Variants in PKN2 observed in about 807,000 individuals in gnomAD.
PKN2 encodes protein kinase N2, also known as serine/threonine-protein kinase N2.
A neutral mutation model predicts 119.1 loss-of-function variants in PKN2; 38 were observed. The ratio of observed to expected loss-of-function variants is 0.32; its 90% CI spans 0.25 to 0.42. The LOEUF is 0.42. PKN2 is among the 10% of genes least tolerant of loss of function. PKN2 has a pLI of 1.00. For missense variants in PKN2, 850 were observed against 1,165.1 expected (o/e 0.73, Z 3.94); for synonymous variants, 390 against 384.9 (o/e 1.01, Z -0.15).
chr1:88,729,000 T>G (rs557990279), intron 1 of PKN2, among the ~76,000 whole-genome samples: 96 of 151,908 alleles, frequency 6.3e-4, no homozygotes, highest in African/African-American at 2.1e-3. Context: ...GTTCAAGCGA[T>G]TCTCCTGCCT....
Position 88,786,925 on chromosome 1 carries a change from C to G in PKN2, c.1281+712C>G, listed in dbSNP as rs1329308705. Among the ~76,000 whole-genome samples the G allele has an allele frequency of 8.3e-5, 12 of 144,944 alleles. No homozygotes were observed. The East Asian group carries it at 1.5e-3, about 18-fold the overall frequency. ...TCAAAATGTTTTGGTGATTACTGTT[C>G]TAAGCCTCTACTTTTAAAACTGGGA... On this transcript the variant is annotated intron_variant, in intron 8 of 21. Coordinates refer to ENST00000370521, the MANE Select transcript of PKN2 (RefSeq NM_006256.4).
At chr1:88,807,827 GAA>G in intron 15 of PKN2, 52 bp downstream of exon 15, 1 of 1,055,518 alleles carries the variant, frequency 9.5e-7, no homozygotes, top group Non-Finnish European at 1.4e-6. Context: ...TAAGTTAAGA[GAA>G]ATGATATATG....
At position 88,689,438 on chromosome 1, in the gene PKN2, T is replaced by G. The variant is rs77305770; in HGVS notation, c.48+4810T>G. Reference sequence around the variant, plus strand: ...AAAACTTTTTTCTTGCCACTGGTTCTAGATGAGTGGATCTAATTAGCTTTT... The same window carrying G: ...AAAACTTTTTTCTTGCCACTGGTTCGAGATGAGTGGATCTAATTAGCTTTT... On this transcript the variant is annotated intron_variant, in intron 1 of 21. Transcript: ENST00000370521. 5.0e-3 allele frequency among the ~76,000 whole-genome samples: 767 copies of G among 152,350 alleles called. 3 individuals are homozygous for G. Among genetic ancestry groups the G allele is most frequent in the African/African-American group, 0.017 (722 of 41,574 alleles).
intron 2 of PKN2, among the ~76,000 whole-genome samples, chr1:88,754,604 T>A (rs1387791806): frequency 6.6e-6 from 1 of 152,188 alleles, no homozygotes; most frequent in Non-Finnish European, 1.5e-5. Flanking sequence ...GGAAAAATAG[T>A]AGTGGAGAAT....
chr1:88,813,287 T>A (rs958594611), intron 15 of PKN2, among the ~76,000 whole-genome samples: 1 of 152,176 alleles, frequency 6.6e-6, no homozygotes, highest in African/African-American at 2.4e-5. Flanking sequence ...TTTTAAAAAA[T>A]CAACTGTAAC....
intron 1 of PKN2, among the ~76,000 whole-genome samples, chr1:88,708,364 T>G (rs1667086729): frequency 6.6e-6 from 1 of 152,168 alleles, no homozygotes; most frequent in African/African-American, 2.4e-5. Flanking sequence ...TAGTAAAGTA[T>G]AAGATATTTC....
chr1:88,730,388 C>T (rs1668100362), intron 1 of PKN2, among the ~76,000 whole-genome samples: 1 of 152,160 alleles, frequency 6.6e-6, no homozygotes, highest in Non-Finnish European at 1.5e-5. Context: ...ATCAGGGACC[C>T]AGGCTCTCTC....
intron 18 of PKN2, among the ~76,000 whole-genome samples, chr1:88,826,143 C>T (rs66881618): frequency 0.067 from 10,171 of 152,204 alleles, 698 homozygotes; most frequent in African/African-American, 0.18. Flanking sequence ...ATATCCATTT[C>T]CCTCCAGTCT....
chr1:88,725,894 C>A (rs1255651785), intron 1 of PKN2, among the ~76,000 whole-genome samples: 3 of 152,108 alleles, frequency 2.0e-5, no homozygotes, highest in Non-Finnish European at 4.4e-5. Flanking sequence ...AGATCTATGA[C>A]TCATTTGAGC....
chr1:88,735,964 C>A (rs1668332123), intron 1 of PKN2, among the ~76,000 whole-genome samples: 1 of 152,002 alleles, frequency 6.6e-6, no homozygotes. Context: ...GCCCAGTAAC[C>A]CAAATATTTG....
chr1:88,811,424 G>C (rs1220073220), intron 15 of PKN2, among the ~76,000 whole-genome samples: 1 of 152,158 alleles, frequency 6.6e-6, no homozygotes. Context: ...CACGAAACAT[G>C]TTAGGATAGA....
chr1:88,685,940 C>G (rs1310561822), intron 1 of PKN2, among the ~76,000 whole-genome samples: 1 of 152,090 alleles, frequency 6.6e-6, no homozygotes, highest in South Asian at 2.1e-4. Flanking sequence ...GATATTTCCT[C>G]CACAAAAATA....
chr1:88,772,432 T>G (rs1669934513), intron 6 of PKN2, among the ~76,000 whole-genome samples: 1 of 152,202 alleles, frequency 6.6e-6, no homozygotes, highest in South Asian at 2.1e-4. Context: ...TTGGAGCATT[T>G]TGGATTTGGG....
intron 1 of PKN2, among the ~76,000 whole-genome samples, chr1:88,711,194 T>A (rs1161913002): frequency 1.3e-5 from 2 of 151,996 alleles, no homozygotes; most frequent in Admixed American, 1.3e-4. Flanking sequence ...TAATGAGTAC[T>A]AGGCTTAATT....
At chr1:88,749,090 T>C (rs950492856) in intron 2 of PKN2, among the ~76,000 whole-genome samples, 1 of 152,146 alleles carries the variant, frequency 6.6e-6, no homozygotes, top group Non-Finnish European at 1.5e-5. Context: ...GTAGTTAATA[T>C]ACATTATTGT....
chr1:88,764,366 A>G lies in PKN2; in HGVS notation c.504+3990A>G, dbSNP rs541789635. On this transcript the variant is annotated intron_variant, in intron 3 of 21. Coordinates refer to ENST00000370521, the MANE Select transcript of PKN2 (RefSeq NM_006256.4). ...TCACTACTATCCTAAGATAAATAGC[A>G]ACCTCTGTCTCTTCTTAACCCTTCA... is the stretch of plus-strand genomic sequence containing the variant. Among the ~76,000 whole-genome samples, 3 of 152,328 alleles carry G rather than the reference A, an allele frequency of 2.0e-5. No individual in the cohort carries two copies. In the South Asian group the frequency reaches 6.2e-4, roughly 32 times the overall value.
chr1:88,752,082 A>G (rs1557587736), intron 2 of PKN2, among the ~76,000 whole-genome samples: 1 of 152,092 alleles, frequency 6.6e-6, no homozygotes, highest in South Asian at 2.1e-4. Flanking sequence ...TATTTCATCA[A>G]TTATGGGAAA....
At chr1:88,705,706 T>C (rs1240816580) in intron 1 of PKN2, among the ~76,000 whole-genome samples, 2 of 151,888 alleles carry the variant, frequency 1.3e-5, no homozygotes, top group Non-Finnish European at 1.5e-5. Context: ...TGCAAAAATA[T>C]ATATATATAT....
chr1:88,741,866 T>TAA (rs1337900498), intron 2 of PKN2, among the ~76,000 whole-genome samples: 2 of 152,100 alleles, frequency 1.3e-5, no homozygotes, highest in Non-Finnish European at 2.9e-5. Flanking sequence ...GATTTCAATA[T>TAA]AAAAACATAA....
Sources: allele counts gnomAD v4.1 joint callset (sites outside exome capture counted in the v4.1 genomes callset), GRCh38; gene constraint gnomAD v4.1.1; transcripts MANE v1.5; gene names NCBI Gene and HGNC (gene_info 2026-07-23, HGNC 2026-07-21).